CCNY: variants seen among roughly 807,000 people sequenced by gnomAD.
The protein encoded by CCNY is cyclin-Y.
A neutral mutation model predicts 42.8 loss-of-function variants in CCNY; 19 were observed. The observed-to-expected ratio is 0.44, with a 90% confidence interval of 0.31 to 0.65. The LOEUF is 0.65. Ranked by LOEUF, CCNY falls within the 30% of genes least tolerant of loss-of-function variation. The pLI is 0.07. For missense variants in CCNY, 370 were observed against 437.3 expected, an observed-to-expected ratio of 0.85 and a Z score of 1.37; for synonymous variants, 165 against 162.7, an observed-to-expected ratio of 1.01 and a Z score of -0.11.
chr10:35,489,446 G>A (rs1406614170), intron 2 of CCNY, among the ~76,000 whole-genome samples: 3 of 151,876 alleles, frequency 2.0e-5, no homozygotes, highest in African/African-American at 4.8e-5. Flanking sequence ...GACTACAGGC[G>A]CCCACCACCA....
chr10:35,311,321 TAAC>T lies in CCNY; in HGVS notation c.-9+60707_-9+60709del, dbSNP rs1231429517. Reference sequence around the variant, plus strand: ...CCACAGAGCAAGACCCTGTCTCAATTAACAACAACAACAAAAAAATACAGGATA... The same window carrying T: ...CCACAGAGCAAGACCCTGTCTCAATTAACAACAACAAAAAAATACAGGATA... On this transcript the variant is annotated intron_variant, in intron 3 of 11. Transcript: ENST00000374706. Among the ~76,000 whole-genome samples the T allele has an allele frequency of 6.7e-5, 10 of 150,106 alleles. No individual in the cohort carries two copies. In the East Asian group the frequency reaches 1.4e-3, roughly 21 times the overall value.
intron 3 of CCNY, among the ~76,000 whole-genome samples, chr10:35,292,743 C>T (rs900759556): frequency 6.6e-6 from 1 of 150,870 alleles, no homozygotes. Context: ...TCTAAGAAAC[C>T]AGTGCCTAAT....
intron 3 of CCNY, among the ~76,000 whole-genome samples, chr10:35,265,599 C>T (rs759545516): frequency 1.1e-4 from 17 of 152,232 alleles, no homozygotes; most frequent in African/African-American, 2.4e-4. Flanking sequence ...GAGACAGCAG[C>T]GAGAGGCCCA....
intron 1 of CCNY, among the ~76,000 whole-genome samples, chr10:35,401,200 C>G (rs1837636851): frequency 6.6e-6 from 1 of 152,190 alleles, no homozygotes; most frequent in Admixed American, 6.5e-5. Flanking sequence ...TGTGATAGTT[C>G]CTTCTCAGGT....
chr10:35,399,214 G>A (rs1008815908), intron 1 of CCNY, among the ~76,000 whole-genome samples: 1 of 152,118 alleles, frequency 6.6e-6, no homozygotes. Flanking sequence ...AGTGAGGGTG[G>A]CATTTTGGAT....
chr10:35,304,732 A>G (rs1475966294), intron 3 of CCNY, among the ~76,000 whole-genome samples: 1 of 152,098 alleles, frequency 6.6e-6, no homozygotes, highest in African/African-American at 2.4e-5. Context: ...GCCTTGTAGG[A>G]TGTTTAGCAG....
intron 1 of CCNY, among the ~76,000 whole-genome samples, chr10:35,368,709 C>T (rs1157288717): frequency 2.0e-5 from 3 of 152,322 alleles, no homozygotes; most frequent in African/African-American, 2.4e-5. Context: ...CAGGGCAGGC[C>T]GCTGTGGGGT....
At chr10:35,452,931 G>T (rs540690613) in intron 1 of CCNY, among the ~76,000 whole-genome samples, 1 of 152,216 alleles carries the variant, frequency 6.6e-6, no homozygotes, top group South Asian at 2.1e-4. Flanking sequence ...CTCCAAATTT[G>T]TATGACATAT....
chr10:35,266,250 T>G (rs1410592327), intron 3 of CCNY, among the ~76,000 whole-genome samples: 1 of 89,502 alleles, frequency 1.1e-5, no homozygotes, highest in East Asian at 3.7e-4. Context: ...GCTAATTTCC[T>G]TTTTTTTTTT....
chr10:35,498,660 T>G (rs2135387536), intron 2 of CCNY, among the ~76,000 whole-genome samples: 1 of 152,290 alleles, frequency 6.6e-6, no homozygotes, highest in African/African-American at 2.4e-5. Context: ...TATCAGGCAT[T>G]CTTCCCATCT....
chr10:35,286,556 G>T (rs182300792), intron 3 of CCNY, among the ~76,000 whole-genome samples: 1 of 150,712 alleles, frequency 6.6e-6, no homozygotes, highest in Non-Finnish European at 1.5e-5. Flanking sequence ...ACAGGGTTTC[G>T]CCATGTTGGC....
chr10:35,566,717 G>GT (rs1176088515), intron 9 of CCNY, among the ~76,000 whole-genome samples: 3 of 151,790 alleles, frequency 2.0e-5, no homozygotes, highest in South Asian at 2.1e-4. Flanking sequence ...GTTTTTTTGG[G>GT]TTTTTTTGAG....
intron 1 of CCNY, among the ~76,000 whole-genome samples, chr10:35,343,142 A>G (rs1296398334): frequency 2.6e-5 from 4 of 151,122 alleles, no homozygotes; most frequent in South Asian, 2.1e-4. Context: ...AGCTGAGATT[A>G]CAGGTGCACG....
At chr10:35,385,645 T>C (rs1837286620) in intron 1 of CCNY, among the ~76,000 whole-genome samples, 1 of 152,224 alleles carries the variant, frequency 6.6e-6, no homozygotes, top group African/African-American at 2.4e-5. Context: ...ATACCTGATA[T>C]TTCTTTAAAA....
intron 7 of CCNY, among the ~76,000 whole-genome samples, chr10:35,534,745 G>A (rs992887411): frequency 2.0e-5 from 3 of 151,726 alleles, no homozygotes; most frequent in Admixed American, 6.6e-5. Flanking sequence ...TTCACTCCTC[G>A]TTCTTAGCCT....
chr10:35,450,225 A>G (rs1312087666), intron 1 of CCNY, among the ~76,000 whole-genome samples: 1 of 151,544 alleles, frequency 6.6e-6, no homozygotes, highest in Admixed American at 6.6e-5. Flanking sequence ...GATGTCAGGG[A>G]GTGAGTTGGG....
intron 1 of CCNY, among the ~76,000 whole-genome samples, chr10:35,423,347 C>T (rs1349313011): frequency 1.3e-5 from 2 of 151,984 alleles, no homozygotes; most frequent in Admixed American, 6.6e-5. Flanking sequence ...TGGTGACGCG[C>T]ACCTGTATTC....
Position 35,452,770 on chromosome 10 carries a change from T to TAA in CCNY, c.155-30614_155-30613dup, listed in dbSNP as rs35849411. ...AGAAAATTTGGAAATTATAGAAAAG[T>TAA]AAAAAAAAAAAAAAAAAAAAATGGA... On this transcript the variant is annotated intron_variant, in intron 1 of 9. Coordinates refer to ENST00000374704, the MANE Select transcript of CCNY (RefSeq NM_145012.6). Among the ~76,000 whole-genome samples the TAA allele has an allele frequency of 4.9e-3, 571 of 115,888 alleles. 2 individuals are homozygous for TAA. The highest frequency in any genetic ancestry group is 0.017 in the African/African-American group (530 of 32,022). The allele number at this position is 115,888 out of a possible 152,430, so 76.0% of individuals were successfully genotyped here.
chr10:35,290,353 T>G (rs1317020444), intron 3 of CCNY, among the ~76,000 whole-genome samples: 1 of 151,534 alleles, frequency 6.6e-6, no homozygotes, highest in African/African-American at 2.4e-5. Flanking sequence ...GAGGCAGAGG[T>G]TGCAGTGAGC....
Sources: gnomAD v4.1 joint callset for allele counts (sites outside exome capture counted in the v4.1 genomes callset) on GRCh38, gnomAD v4.1.1 for gene constraint, MANE v1.5 for transcripts, NCBI Gene and HGNC (gene_info 2026-07-23, HGNC 2026-07-21) for gene names.